Variants in SHROOM3 observed in about 807,000 individuals in gnomAD.
SHROOM3 encodes the protein protein Shroom3.
Under a neutral mutation model 138.6 loss-of-function variants are expected in SHROOM3, and 47 were observed. The observed-to-expected ratio is 0.34, with a 90% CI of 0.27 to 0.43. The LOEUF (loss-of-function observed/expected upper bound fraction) is 0.43, where lower values mean the gene tolerates loss of function less well. SHROOM3 is among the 20% of genes least tolerant of loss of function. The probability of loss-of-function intolerance (pLI) is 1.00; values close to 1 mark genes in which losing one functional copy is unlikely to be tolerated. For missense variants in SHROOM3, 2,491 were observed against 2,596.5 expected (o/e 0.96, Z 0.88); for synonymous variants, 1,062 against 1,063.3 (o/e 1.00, Z 0.02).
chr4:76,622,683 A>C (rs1735034469), intron 2 of SHROOM3, among the ~76,000 whole-genome samples: 1 of 152,010 alleles, frequency 6.6e-6, no homozygotes, highest in Non-Finnish European at 1.5e-5. Context: ...GGCCACGGGG[A>C]AGTAATTCCA....
At chr4:76,436,679 T>C (rs550537758) in intron 1 of SHROOM3, among the ~76,000 whole-genome samples, 12 of 152,346 alleles carry the variant, frequency 7.9e-5, no homozygotes, top group Admixed American at 1.3e-4. Context: ...TTGCTTTTTT[T>C]CCCCACACTC....
At chr4:76,662,584 T>A (rs1302127797) in intron 2 of SHROOM3, among the ~76,000 whole-genome samples, 1 of 152,188 alleles carries the variant, frequency 6.6e-6, no homozygotes, top group Admixed American at 6.5e-5. Context: ...ACAATCGATG[T>A]TTGAATAACT....
intron 1 of SHROOM3, among the ~76,000 whole-genome samples, chr4:76,437,158 T>C (rs1024500796): frequency 1.3e-5 from 2 of 152,192 alleles, no homozygotes; most frequent in African/African-American, 2.4e-5. Context: ...ATTCTTACTG[T>C]GGATGAGCCA....
Position 76,738,788 on chromosome 4 carries a change from T to C in SHROOM3, c.615T>C (p.Tyr205=). 2 of 1,614,252 alleles carry C rather than the reference T, an allele frequency of 1.2e-6. No homozygotes were observed. Among genetic ancestry groups the C allele is most frequent in the South Asian group, 1.1e-5 (1 of 91,090 alleles). The change falls in exon 5 of 11, where the codon TAT becomes TAC. Residue 205 remains tyrosine (Y), a synonymous_variant. Coordinates refer to ENST00000296043, the MANE Select transcript of SHROOM3 (RefSeq NM_020859.4). ...SSSSTSDLSN[Y]DHAYLRRSPD... The stretch of plus-strand genomic sequence containing the variant: ...CCTCTACTAGTGACCTCTCCAACTA[T>C]GACCATGCTTATCTAAGGCGGAGCC...
chr4:76,732,871 G>A (rs1462003472), intron 4 of SHROOM3, among the ~76,000 whole-genome samples: 1 of 152,154 alleles, frequency 6.6e-6, no homozygotes, highest in Non-Finnish European at 1.5e-5. Flanking sequence ...TCATTGGATT[G>A]TTGTGAGGAT....
chr4:76,545,227 A>G (rs1015604979), intron 1 of SHROOM3, among the ~76,000 whole-genome samples: 1 of 152,134 alleles, frequency 6.6e-6, no homozygotes, highest in Admixed American at 6.5e-5. Context: ...GTTTTTTCAG[A>G]ATCGGCCACC....
At chr4:76,731,735 C>G (rs376127892) in intron 4 of SHROOM3, among the ~76,000 whole-genome samples, 41 of 150,934 alleles carry the variant, frequency 2.7e-4, no homozygotes, top group African/African-American at 8.3e-4. Context: ...GAGCTCAGAT[C>G]ACGCCACTGC....
chr4:76,752,433 ATGT>A (rs1027648238), intron 6 of SHROOM3, among the ~76,000 whole-genome samples: 3 of 152,012 alleles, frequency 2.0e-5, no homozygotes, highest in Non-Finnish European at 2.9e-5. Flanking sequence ...ATGAAATTTT[ATGT>A]TGTTTTTTCT....
chr4:76,513,749 A>C (rs1732388480), intron 1 of SHROOM3, among the ~76,000 whole-genome samples: 2 of 152,250 alleles, frequency 1.3e-5, no homozygotes, highest in African/African-American at 4.8e-5. Context: ...ACCTACAGAG[A>C]TAATATCTCT....
chr4:76,445,087 C>T (rs1480881211), intron 1 of SHROOM3, among the ~76,000 whole-genome samples: 1 of 127,878 alleles, frequency 7.8e-6, no homozygotes, highest in African/African-American at 2.7e-5. Context: ...CAGAGCCAGA[C>T]ATTGTCTCAA....
chr4:76,687,024 C>A (rs566214251), intron 2 of SHROOM3, among the ~76,000 whole-genome samples: 100 of 152,212 alleles, frequency 6.6e-4, no homozygotes, highest in African/African-American at 2.1e-3. Flanking sequence ...ACAACACACT[C>A]CAGCACCAGA....
chr4:76,616,613 G>A (rs1734886741), intron 2 of SHROOM3, among the ~76,000 whole-genome samples: 1 of 152,184 alleles, frequency 6.6e-6, no homozygotes. Context: ...ATTATCTGAG[G>A]TACCTAGAGT....
chr4:76,744,241 G>A (rs1234718810), intron 5 of SHROOM3, among the ~76,000 whole-genome samples: 1 of 152,216 alleles, frequency 6.6e-6, no homozygotes. Flanking sequence ...TTTTCATAAA[G>A]GGAATGCCAT....
chr4:76,442,945 T>C (rs1432663569), intron 1 of SHROOM3, among the ~76,000 whole-genome samples: 1 of 152,192 alleles, frequency 6.6e-6, no homozygotes, highest in Non-Finnish European at 1.5e-5. Flanking sequence ...AAATCTTTGT[T>C]AGAAGCTACC....
chr4:76,641,670 A>T (rs1355291475), intron 2 of SHROOM3, among the ~76,000 whole-genome samples: 2 of 152,188 alleles, frequency 1.3e-5, no homozygotes, highest in African/African-American at 4.8e-5. Context: ...TTCATTCATC[A>T]TCTCTTGAGC....
intron 2 of SHROOM3, among the ~76,000 whole-genome samples, chr4:76,674,451 C>T (rs898117118): frequency 1.3e-5 from 2 of 151,856 alleles, no homozygotes; most frequent in African/African-American, 4.8e-5. Context: ...CTGAGTTGTC[C>T]TCTAATAGCA....
chr4:76,442,404 G>GTTT (rs59712445), intron 1 of SHROOM3, among the ~76,000 whole-genome samples: 4 of 112,352 alleles, frequency 3.6e-5, no homozygotes, highest in South Asian at 3.2e-4. Flanking sequence ...GCCCTTTATA[G>GTTT]TTTTTTTTTT....
chr4:76,655,815 T>C (rs1260294836), intron 2 of SHROOM3, among the ~76,000 whole-genome samples: 1 of 152,220 alleles, frequency 6.6e-6, no homozygotes, highest in Non-Finnish European at 1.5e-5. Context: ...CCAGGGGATG[T>C]CACTGGCATT....
chr4:76,563,071 G>C (rs1349968205), intron 2 of SHROOM3, among the ~76,000 whole-genome samples: 2 of 152,098 alleles, frequency 1.3e-5, no homozygotes, highest in African/African-American at 2.4e-5. Flanking sequence ...ATCTCTCTAA[G>C]ACTAAATTTC....
Sources: gnomAD v4.1 joint callset for allele counts (sites outside exome capture counted in the v4.1 genomes callset) on GRCh38, gnomAD v4.1.1 for gene constraint, MANE v1.5 for transcripts, NCBI Gene and HGNC (gene_info 2026-07-23, HGNC 2026-07-21) for gene names.